The following NEDD4L variants were observed in gnomAD, a reference collection of about 807,000 sequenced individuals.
NEDD4L encodes the protein NEDD4 like E3 ubiquitin protein ligase.
A neutral mutation model predicts 148.9 loss-of-function variants in NEDD4L; 54 were observed. The observed-to-expected ratio is 0.36, with a 90% CI of 0.29 to 0.45. The LOEUF (loss-of-function observed/expected upper bound fraction) is 0.45, where lower values mean the gene tolerates loss of function less well. Ranked by LOEUF, NEDD4L falls within the 20% of genes least tolerant of loss-of-function variation. The pLI is 1.00. For synonymous variants in NEDD4L, 433 were observed against 440.7 expected, an observed-to-expected ratio of 0.98 and a Z score of 0.22; for missense variants, 856 against 1,233.8, an observed-to-expected ratio of 0.69 and a Z score of 4.59.
intron 2 of NEDD4L, among the ~76,000 whole-genome samples, chr18:58,183,323 T>C (rs2039058885): frequency 6.6e-6 from 1 of 152,228 alleles, no homozygotes; most frequent in Admixed American, 6.5e-5. Context: ...CTTTGGCTTC[T>C]TCAACTTGGT....
At chr18:58,251,503 G>C (rs1303186260) in intron 4 of NEDD4L, among the ~76,000 whole-genome samples, 4 of 152,006 alleles carry the variant, frequency 2.6e-5, no homozygotes, top group Non-Finnish European at 4.4e-5. Flanking sequence ...AACAGAACAA[G>C]ACCGTCTGTC....
chr18:58,292,818 G>T (rs2054961566), intron 5 of NEDD4L, among the ~76,000 whole-genome samples: 1 of 152,202 alleles, frequency 6.6e-6, no homozygotes, highest in South Asian at 2.1e-4. Context: ...TTGATATTCT[G>T]TGGATGCTTG....
rs753963786 is a variant in NEDD4L, at chr18:58,400,115, AC to A, written c.*3847del. 5.3e-5 allele frequency: 8 copies of A among 152,328 alleles called. No homozygotes were observed. Among genetic ancestry groups the A allele is most frequent in the Non-Finnish European group, 7.3e-5 (5 of 68,174 alleles). The allele number at this position is 152,328 out of a possible 1,614,324, so 9.4% of individuals were successfully genotyped here. ...CCTTACCCTGGCCCTGCACCCCTGT[AC>A]TTAAGAGGGAGAGGTGGGAGGTGCT... On this transcript the variant is annotated 3_prime_UTR_variant, in exon 31 of 31. Coordinates refer to ENST00000400345, the MANE Select transcript of NEDD4L (RefSeq NM_001144967.3).
At chr18:58,155,736 T>C (rs547491827) in intron 1 of NEDD4L, among the ~76,000 whole-genome samples, 2 of 152,302 alleles carry the variant, frequency 1.3e-5, no homozygotes, top group South Asian at 2.1e-4. Context: ...GTGAGCATCA[T>C]TCATGGCGTG....
chr18:58,383,539 G>A (rs1213306664), intron 25 of NEDD4L, among the ~76,000 whole-genome samples: 1 of 152,232 alleles, frequency 6.6e-6, no homozygotes, highest in Non-Finnish European at 1.5e-5. Flanking sequence ...CTATAAAGGA[G>A]CAGAGGAGGG....
intron 1 of NEDD4L, among the ~76,000 whole-genome samples, chr18:58,120,462 G>A (rs2086158716): frequency 6.6e-6 from 1 of 152,188 alleles, no homozygotes; most frequent in South Asian, 2.1e-4. Flanking sequence ...CTCATAATGA[G>A]TATGCAGCAA....
chr18:58,231,293 T>A (rs2045201080), intron 2 of NEDD4L, among the ~76,000 whole-genome samples: 1 of 145,172 alleles, frequency 6.9e-6, no homozygotes, highest in African/African-American at 2.5e-5. Context: ...AGACACAAGA[T>A]TCCATGGAAA....
At chr18:58,265,918 A>G in intron 5 of NEDD4L, among the ~76,000 whole-genome samples, 1 of 151,906 alleles carries the variant, frequency 6.6e-6, no homozygotes, top group Non-Finnish European at 1.5e-5. Context: ...TACAGGGGAG[A>G]ATTTATCCTG....
intron 5 of NEDD4L, among the ~76,000 whole-genome samples, chr18:58,315,316 G>A (rs1402598219): frequency 6.6e-6 from 1 of 152,058 alleles, no homozygotes; most frequent in African/African-American, 2.4e-5. Context: ...GGGGACTGGT[G>A]CGTGGCTCCA....
At chr18:58,172,873 G>A (rs1465288980) in intron 2 of NEDD4L, among the ~76,000 whole-genome samples, 1 of 152,084 alleles carries the variant, frequency 6.6e-6, no homozygotes, top group Non-Finnish European at 1.5e-5. Flanking sequence ...ATCTCTTCTT[G>A]AGGATAAAAG....
At chr18:58,209,016 G>A (rs1316406294) in intron 2 of NEDD4L, among the ~76,000 whole-genome samples, 1 of 151,894 alleles carries the variant, frequency 6.6e-6, no homozygotes, top group East Asian at 1.9e-4. Context: ...TTGTTTGTTG[G>A]TTAGTTTTTT....
At chr18:58,259,666 C>G (rs998555785) in intron 5 of NEDD4L, among the ~76,000 whole-genome samples, 2 of 152,204 alleles carry the variant, frequency 1.3e-5, no homozygotes, top group African/African-American at 4.8e-5. Context: ...TGGAAAGTTT[C>G]AGGGACTATC....
intron 6 of NEDD4L, among the ~76,000 whole-genome samples, chr18:58,317,201 G>T (rs539969491): frequency 6.6e-6 from 1 of 152,236 alleles, no homozygotes. Context: ...AAACTCTGAA[G>T]CTCCAGGGTG....
At chr18:58,306,800 AT>A (rs968322357) in intron 5 of NEDD4L, among the ~76,000 whole-genome samples, 4 of 152,002 alleles carry the variant, frequency 2.6e-5, no homozygotes, top group African/African-American at 9.7e-5. Context: ...TAATTTTTGT[AT>A]TTTTAGTACT....
intron 5 of NEDD4L, among the ~76,000 whole-genome samples, chr18:58,310,229 T>G (rs539378452): frequency 6.6e-6 from 1 of 152,224 alleles, no homozygotes; most frequent in African/African-American, 2.4e-5. Flanking sequence ...GACACTCTGT[T>G]GACATGGAGG....
chr18:58,174,640 G>A (rs926980117), intron 2 of NEDD4L, among the ~76,000 whole-genome samples: 2 of 152,126 alleles, frequency 1.3e-5, no homozygotes, highest in South Asian at 2.1e-4. Flanking sequence ...TGGACTAAAG[G>A]CTTGATCAAA....
chr18:58,234,375 A>G lies in NEDD4L; in HGVS notation c.123-11052A>G, dbSNP rs144968673. Among the ~76,000 whole-genome samples, 1,272 of 127,994 alleles carry G rather than the reference A, an allele frequency of 9.9e-3. 33 individuals are homozygous for G. Among genetic ancestry groups the G allele is most frequent in the African/African-American group, 0.037 (1,231 of 32,900 alleles). The allele number at this position is 127,994 out of a possible 152,430, so 84.0% of individuals were successfully genotyped here. A position where few individuals can be genotyped will look rare whatever the true frequency, so the allele number is the denominator to read the frequency against. ...CCCTCAGGGTCTTGTTCTGTCATCT[A>G]GGCTGGAGTACAGTGGCATGATCAT... On this transcript the variant is annotated intron_variant, in intron 2 of 30. Coordinates refer to ENST00000400345, the MANE Select transcript of NEDD4L (RefSeq NM_001144967.3).
At chr18:58,221,408 C>T (rs143335432) in intron 2 of NEDD4L, 16 of 245,772 alleles carry the variant, frequency 6.5e-5, no homozygotes, top group African/African-American at 2.8e-4. Flanking sequence ...GATAAGGCCC[C>T]GGGTGATGAT....
At chr18:58,239,104 ATGCAACTTTC>A (rs2046347321) in intron 2 of NEDD4L, among the ~76,000 whole-genome samples, 1 of 152,230 alleles carries the variant, frequency 6.6e-6, no homozygotes, top group South Asian at 2.1e-4. Context: ...GGGTTTTGCA[ATGCAACTTTC>A]TGTGGGTTAG....
Sources: gnomAD v4.1 joint callset for allele counts (sites outside exome capture counted in the v4.1 genomes callset) on GRCh38, gnomAD v4.1.1 for gene constraint, MANE v1.5 for transcripts, NCBI Gene and HGNC (gene_info 2026-07-23, HGNC 2026-07-21) for gene names.